The following CACNA2D4 variants were observed in gnomAD, a reference collection of about 807,000 sequenced individuals.
CACNA2D4 encodes calcium voltage-gated channel auxiliary subunit alpha2delta 4.
Under a neutral mutation model 163.8 loss-of-function variants are expected in CACNA2D4, and 157 were observed. The observed-to-expected ratio is 0.96, with a 90% confidence interval of 0.84 to 1.09. CACNA2D4 has a LOEUF of 1.09. Ranked by LOEUF, CACNA2D4 falls within the 50% of genes least tolerant of loss-of-function variation. The probability of loss-of-function intolerance (pLI) is 0.00; values close to 1 mark genes in which losing one functional copy is unlikely to be tolerated. For missense variants in CACNA2D4, 1,410 were observed against 1,479.9 expected (o/e 0.95, Z 0.78); for synonymous variants, 598 against 586.9 (o/e 1.02, Z -0.27).
Position 1,855,609 on chromosome 12 carries a change from TC to T in CACNA2D4, c.2152+402del, listed in dbSNP as rs373246208. 1.6e-4 allele frequency among the ~76,000 whole-genome samples: 25 copies of T among 152,292 alleles called. No individual in the cohort carries two copies. In the East Asian group the frequency reaches 4.6e-3, roughly 28 times the overall value. On this transcript the variant is annotated intron_variant, in intron 22 of 37. Transcript: ENST00000382722. Reference sequence around the variant, plus strand: ...GGCTTCGAGTCATCTGGCCAAATGCTCCCCTTGTGGAGATGAGGACTTCTGG... The same window carrying T: ...GGCTTCGAGTCATCTGGCCAAATGCTCCCTTGTGGAGATGAGGACTTCTGG...
Position 1,806,002 on chromosome 12 carries a change from C to T in CACNA2D4, c.2721+4276G>A, listed in dbSNP as rs543270408. On this transcript the variant is annotated intron_variant, in intron 29 of 37. Coordinates refer to ENST00000382722, the MANE Select transcript of CACNA2D4 (RefSeq NM_172364.5). This position sits in a 1 kb window ranked among gnomAD's most constrained non-coding sequence, Gnocchi z 4.1. Reference sequence around the variant, plus strand: ...AGAGAGGGATGCCCTGCTCTGAGGGCCTGCCTGGTCCGGCTCACTGGGCTG... The same window carrying T: ...AGAGAGGGATGCCCTGCTCTGAGGGTCTGCCTGGTCCGGCTCACTGGGCTG... Among the ~76,000 whole-genome samples the T allele has an allele frequency of 2.6e-5, 4 of 152,284 alleles. No homozygotes were observed. The South Asian group carries it at 8.3e-4, about 32-fold the overall frequency.
chr12:1,826,706 C>T (rs78120341), intron 26 of CACNA2D4, among the ~76,000 whole-genome samples: 5 of 152,080 alleles, frequency 3.3e-5, no homozygotes, highest in Admixed American at 2.0e-4. Context: ...CTGCCCTTGC[C>T]GGGGGCAGAG....
Position 1,913,155 on chromosome 12 carries a change from G to A in CACNA2D4, c.310-16C>T, listed in dbSNP as rs761909148. 10 of 1,551,166 alleles carry A rather than the reference G, an allele frequency of 6.4e-6. No individual in the cohort carries two copies. In the South Asian group the frequency reaches 6.7e-5, roughly 10 times the overall value. ...CCTTGTACTTCTGTTTGGGGAAAGT[G>A]GGAGAGATGCGTGCATGTGGTTTTG... is the stretch of plus-strand genomic sequence containing the variant. On this transcript the variant is annotated splice_polypyrimidine_tract_variant and intron_variant, in intron 2 of 37. Coordinates refer to ENST00000382722, the MANE Select transcript of CACNA2D4 (RefSeq NM_172364.5).
rs374467523 is a variant in CACNA2D4, at chr12:1,875,335, G to A, written c.1722C>T (p.Tyr574=). The A allele has an allele frequency of 2.8e-5, 45 of 1,606,968 alleles. No individual in the cohort carries two copies. Among genetic ancestry groups the A allele is most frequent in the African/African-American group, 8.0e-5 (6 of 74,772 alleles). The change falls in exon 17 of 38, where the codon TAC becomes TAT. Residue 574 remains tyrosine (Y), a splice_region_variant and synonymous_variant. Transcript: ENST00000382722. This position sits in a 1 kb window ranked among gnomAD's most constrained non-coding sequence, Gnocchi z 4.0. ...ILSHPDLRPL[Y]REGKKLKPKP... is the part of the protein sequence containing the mutation. ...TGGGTTTTAGTTTCTTCCCCTCTCT[G>A]TACTGGAGTGGGCAGGTCAGGAAGA...
At chr12:1,907,632 C>G (rs1287474817) in intron 5 of CACNA2D4, 61 bp from the exon 6 acceptor site, 3 of 1,511,634 alleles carry the variant, frequency 2.0e-6, no homozygotes, top group African/African-American at 1.4e-5. Flanking sequence ...GGTGATCATG[C>G]CCGGTGAGGG....
intron 26 of CACNA2D4, among the ~76,000 whole-genome samples, chr12:1,831,895 G>A: frequency 6.6e-6 from 1 of 152,118 alleles, no homozygotes; most frequent in Admixed American, 6.5e-5. Context: ...GTTTGCCTGT[G>A]GGCTTCCCCA....
At chr12:1,861,547 A>T (rs889403874) in intron 18 of CACNA2D4, among the ~76,000 whole-genome samples, 1 of 151,654 alleles carries the variant, frequency 6.6e-6, no homozygotes, top group Non-Finnish European at 1.5e-5. Context: ...GGTTCAAGCA[A>T]TTCTCCCACC....
chr12:1,916,273 C>T (rs1224588920), intron 1 of CACNA2D4, among the ~76,000 whole-genome samples: 2 of 152,094 alleles, frequency 1.3e-5, no homozygotes, highest in South Asian at 2.1e-4. Context: ...GTGAGGTTCC[C>T]GTTGTAGAGC....
chr12:1,897,710 A>G (rs531892640), intron 6 of CACNA2D4, among the ~76,000 whole-genome samples: 2 of 152,358 alleles, frequency 1.3e-5, no homozygotes, highest in South Asian at 2.1e-4. Flanking sequence ...AGTATATATC[A>G]GGTAAATACT....
intron 26 of CACNA2D4, among the ~76,000 whole-genome samples, chr12:1,817,304 A>C (rs1205008365): frequency 1.3e-5 from 2 of 152,232 alleles, no homozygotes; most frequent in Admixed American, 6.5e-5. Context: ...TCACTGAGCA[A>C]CAGAGTCTGG....
chr12:1,800,545 G>T, intron 31 of CACNA2D4, 107 bp from the exon 32 acceptor site: 1 of 1,107,842 alleles, frequency 9.0e-7, no homozygotes, highest in Non-Finnish European at 1.4e-6. Context: ...GGGCTGCCCT[G>T]CCACTGGGAG....
chr12:1,833,389 G>T lies in CACNA2D4; in HGVS notation c.2551+7350C>A, dbSNP rs1192772260. Among the ~76,000 whole-genome samples the T allele has an allele frequency of 6.6e-6, 1 of 152,110 alleles. No individual in the cohort carries two copies. Among genetic ancestry groups the T allele is most frequent in the Non-Finnish European group, 1.5e-5 (1 of 68,012 alleles). On this transcript the variant is annotated intron_variant, in intron 26 of 37. Coordinates refer to ENST00000382722, the MANE Select transcript of CACNA2D4 (RefSeq NM_172364.5). The surrounding 1 kb of genome is among the most constrained non-coding windows in gnomAD (Gnocchi z 4.2). ...CTAGGGGAGGTCTAGACAGATTATT[G>T]TCCTCAACCACCTTCTCTCTCACCC...
rs774053401 is a variant in CACNA2D4 at position 1,846,677 on chromosome 12, G to A, written c.2259C>T (p.His753=). The part of the protein sequence containing the change: ...LALNMSEESE[H]VVDMAFLGTR... ...TGCCCAGGAAGGCCATGTCCACCAC[G>A]TGTTCAGACTCCCTGTGTGGCAGAC... The change falls in exon 24 of 38, where the codon CAC becomes CAT. Residue 753 remains histidine (H), a synonymous_variant. Coordinates refer to ENST00000382722, the MANE Select transcript of CACNA2D4 (RefSeq NM_172364.5). 1.0e-5 allele frequency: 16 copies of A among 1,598,842 alleles called. No homozygotes were observed. In the Admixed American group the frequency reaches 1.7e-4, roughly 17 times the overall value.
At position 1,797,448 on chromosome 12, in the gene CACNA2D4, TTGGCCTCCCGGATGGC is replaced by T. The variant is rs1863165856; in HGVS notation, c.3067_3082del (p.Ala1023ThrfsTer27). 1 of 1,573,030 alleles carries T rather than the reference TTGGCCTCCCGGATGGC, an allele frequency of 6.4e-7. No homozygotes were observed. The highest frequency in any genetic ancestry group is 1.8e-5 in the Admixed American group (1 of 55,698). ...GCAGGGCCCGCACTCCACGATCCCG[TTGGCCTCCCGGATGGC>T]CGGCTGGTACACGAACACGGGGTAC... On this transcript the variant is annotated frameshift_variant, in exon 35 of 38. Transcript: ENST00000382722. LOFTEE classifies it high-confidence loss of function.
chr12:1,810,212 GGCT>G (rs1863658123), intron 29 of CACNA2D4, 63 bp downstream of exon 29: 18 of 1,351,214 alleles, frequency 1.3e-5, no homozygotes, highest in Non-Finnish European at 1.8e-5. Flanking sequence ...TAGCTGGAGT[GGCT>G]GCCCAATGTC....
At chr12:1,895,287 T>C (rs1211941506) in intron 6 of CACNA2D4, among the ~76,000 whole-genome samples, 1 of 152,096 alleles carries the variant, frequency 6.6e-6, no homozygotes, top group Non-Finnish European at 1.5e-5. Context: ...ATAATTAAAA[T>C]GACCATACTG....
chr12:1,827,245 C>A (rs923913251), intron 26 of CACNA2D4, among the ~76,000 whole-genome samples: 1 of 152,016 alleles, frequency 6.6e-6, no homozygotes, highest in Non-Finnish European at 1.5e-5. Flanking sequence ...GAGACCCCAG[C>A]ACACAGCCTG....
chr12:1,834,763 C>A lies in CACNA2D4; in HGVS notation c.2551+5976G>T. ...GGCCAGGTAGGAAGGGCGGGGAGAGCACACGGCATTGCTCAGCCACAGCTC... is the reference window on the plus strand; with the variant it reads ...GGCCAGGTAGGAAGGGCGGGGAGAGAACACGGCATTGCTCAGCCACAGCTC... On this transcript the variant is annotated intron_variant, in intron 26 of 37. Transcript: ENST00000382722. The surrounding 1 kb of genome is among the most constrained non-coding windows in gnomAD (Gnocchi z 7.6). The A allele has an allele frequency of 6.5e-7, 1 of 1,540,598 alleles. No homozygotes were observed. Among genetic ancestry groups the A allele is most frequent in the Non-Finnish European group, 8.7e-7 (1 of 1,146,580 alleles).
chr12:1,816,845 C>A (rs1863892435), intron 26 of CACNA2D4, among the ~76,000 whole-genome samples: 1 of 152,198 alleles, frequency 6.6e-6, no homozygotes, highest in South Asian at 2.1e-4. Context: ...TGCACGCACA[C>A]ATGGACACAC....
Sources: allele counts gnomAD v4.1 joint callset (sites outside exome capture counted in the v4.1 genomes callset), GRCh38; gene constraint gnomAD v4.1.1; non-coding constraint Gnocchi (gnomAD v3.1); transcripts MANE v1.5; gene names NCBI Gene and HGNC (gene_info 2026-07-23, HGNC 2026-07-21).